Variants in OLFM2 observed in about 807,000 individuals in gnomAD.
The protein encoded by OLFM2 is noelin-2.
A neutral mutation model predicts 43.9 loss-of-function variants in OLFM2; 20 were observed. That is an observed-to-expected ratio of 0.46 (90% CI 0.32 to 0.66). The LOEUF (loss-of-function observed/expected upper bound fraction) is 0.66, where lower values mean the gene tolerates loss of function less well. Ranked by LOEUF, OLFM2 falls within the 30% of genes least tolerant of loss-of-function variation. The pLI, the probability that OLFM2 is intolerant of heterozygous loss-of-function variation, is 0.04. For missense variants in OLFM2, 416 were observed against 643.6 expected (o/e 0.65, Z 3.83); for synonymous variants, 268 against 278.6 (o/e 0.96, Z 0.38).
intron 1 of OLFM2, among the ~76,000 whole-genome samples, chr19:9,873,359 G>A (rs1287241663): frequency 1.3e-5 from 2 of 152,144 alleles, no homozygotes; most frequent in Non-Finnish European, 2.9e-5. Context: ...TCACCATGTT[G>A]CCCAGGCTGG....
chr19:9,872,044 T>C (rs1207613267), intron 1 of OLFM2, among the ~76,000 whole-genome samples: 6 of 152,178 alleles, frequency 3.9e-5, no homozygotes, highest in Admixed American at 3.9e-4. Context: ...TCTCTCTGAC[T>C]GCGAGAATGG....
At chr19:9,884,702 C>T (rs1435249249) in intron 1 of OLFM2, among the ~76,000 whole-genome samples, 1 of 152,138 alleles carries the variant, frequency 6.6e-6, no homozygotes, top group Non-Finnish European at 1.5e-5. Context: ...GTGCACATCT[C>T]CACAGCTCCC....
At chr19:9,902,185 A>C (rs1209230830) in intron 1 of OLFM2, among the ~76,000 whole-genome samples, 1 of 144,710 alleles carries the variant, frequency 6.9e-6, no homozygotes, top group Non-Finnish European at 1.5e-5. Flanking sequence ...CCCGCCACCA[A>C]GCCTGGCTAA....
Position 9,936,293 on chromosome 19 carries a change from C to T in OLFM2, c.63+11G>A, listed in dbSNP as rs1052322553. ...GCCACCCGCGCCCGCACCTGCCCGC[C>T]GGGCCCCTACCTGTCCGGCCAGGCC... On this transcript the variant is annotated intron_variant, in intron 1 of 5. Coordinates refer to ENST00000264833, the MANE Select transcript of OLFM2 (RefSeq NM_058164.4). 39 of 1,528,134 alleles carry T rather than the reference C, an allele frequency of 2.6e-5. No homozygotes were observed. The African/African-American group carries it at 5.1e-4, about 20-fold the overall frequency. The allele number at this position is 1,528,134 out of a possible 1,614,324, so 94.7% of individuals were successfully genotyped here.
At chr19:9,905,213 T>C (rs2046775085) in intron 1 of OLFM2, among the ~76,000 whole-genome samples, 1 of 152,056 alleles carries the variant, frequency 6.6e-6, no homozygotes, top group East Asian at 1.9e-4. Context: ...ATCCCAGCAC[T>C]TTGGGAGGCC....
At chr19:9,924,275 G>A (rs947922484) in intron 1 of OLFM2, among the ~76,000 whole-genome samples, 18 of 150,822 alleles carry the variant, frequency 1.2e-4, no homozygotes, top group South Asian at 4.2e-4. Context: ...GCGTGGTGGC[G>A]GGCGCCTGTA....
chr19:9,885,402 A>C (rs1260826179), intron 1 of OLFM2, among the ~76,000 whole-genome samples: 6 of 152,200 alleles, frequency 3.9e-5, no homozygotes, highest in Non-Finnish European at 7.3e-5. Context: ...TGATTGGCAC[A>C]AATGCCTGGT....
chr19:9,863,228 G>C (rs1403068669), intron 1 of OLFM2, among the ~76,000 whole-genome samples: 1 of 152,130 alleles, frequency 6.6e-6, no homozygotes, highest in African/African-American at 2.4e-5. Context: ...CCATGTGGCT[G>C]GAGCAGATTG....
At chr19:9,927,204 C>T (rs1176647875) in intron 1 of OLFM2, among the ~76,000 whole-genome samples, 2 of 151,488 alleles carry the variant, frequency 1.3e-5, no homozygotes, top group Non-Finnish European at 2.9e-5. Context: ...ATTGCTTGAA[C>T]CTGGGAGGGG....
intron 1 of OLFM2, among the ~76,000 whole-genome samples, chr19:9,899,397 C>A (rs534437115): frequency 1.3e-5 from 2 of 152,210 alleles, no homozygotes; most frequent in East Asian, 3.9e-4. Context: ...GTGCACTATG[C>A]TTGTTTCAAC....
chr19:9,925,255 T>C (rs2086445831), intron 1 of OLFM2, among the ~76,000 whole-genome samples: 1 of 152,024 alleles, frequency 6.6e-6, no homozygotes, highest in Non-Finnish European at 1.5e-5. Context: ...AGACCCTGTC[T>C]AAACAAAACA....
At chr19:9,929,601 A>C (rs964751041) in intron 1 of OLFM2, among the ~76,000 whole-genome samples, 1 of 26,314 alleles carries the variant, frequency 3.8e-5, no homozygotes, top group African/African-American at 4.1e-4. Context: ...GTCTCAAAAT[A>C]AAATAAAATA....
intron 1 of OLFM2, among the ~76,000 whole-genome samples, chr19:9,865,373 G>A (rs2046392802): frequency 6.6e-6 from 1 of 150,438 alleles, no homozygotes; most frequent in African/African-American, 2.5e-5. Flanking sequence ...TGGGAGTCTT[G>A]CTATATTGTC....
chr19:9,931,834 G>A (rs2086484776), intron 1 of OLFM2, among the ~76,000 whole-genome samples: 1 of 152,136 alleles, frequency 6.6e-6, no homozygotes, highest in Non-Finnish European at 1.5e-5. Flanking sequence ...CTCCCAAAAT[G>A]CTGGGATCAT....
chr19:9,912,113 T>C (rs1158358496), intron 1 of OLFM2, among the ~76,000 whole-genome samples: 1 of 151,928 alleles, frequency 6.6e-6, no homozygotes, highest in East Asian at 1.9e-4. Context: ...CATTCCCCCA[T>C]ATACACACCG....
rs549909121 is a variant in OLFM2, at chr19:9,915,775, C to T, written c.63+20529G>A. ...CTTCGTGATCTGCCCACCTCGGCCT[C>T]CCAAAGTGCTGGAATTAGAGGCGTG... is the stretch of plus-strand genomic sequence containing the variant. On this transcript the variant is annotated intron_variant, in intron 1 of 5. Transcript: ENST00000264833. Among the ~76,000 whole-genome samples the T allele has an allele frequency of 7.2e-5, 11 of 152,240 alleles. No individual in the cohort carries two copies. The East Asian group carries it at 2.1e-3, about 29-fold the overall frequency.
chr19:9,913,351 T>C (rs528215373), intron 1 of OLFM2: 56 of 421,706 alleles, frequency 1.3e-4, no homozygotes, highest in African/African-American at 1.2e-3. Context: ...TACCCAGGCG[T>C]GCCGGGCAGG....
rs141832618 is a variant in OLFM2 at position 9,866,124 on chromosome 19, A to C, written c.64-5330T>G. On this transcript the variant is annotated intron_variant, in intron 1 of 5. Transcript: ENST00000264833. Reference sequence around the variant, plus strand: ...TAAAATAATTGTCTGCGTTGGACGCATCTCACCGGAGTGTTCTCTGCAGCA... The same window carrying C: ...TAAAATAATTGTCTGCGTTGGACGCCTCTCACCGGAGTGTTCTCTGCAGCA... Among the ~76,000 whole-genome samples, 205 of 152,344 alleles carry C rather than the reference A, an allele frequency of 1.3e-3. 1 individual carries two copies. Among genetic ancestry groups the C allele is most frequent in the African/African-American group, 4.8e-3 (200 of 41,586 alleles).
intron 1 of OLFM2, among the ~76,000 whole-genome samples, chr19:9,876,655 GT>G (rs1244468393): frequency 2.0e-5 from 3 of 152,154 alleles, no homozygotes; most frequent in African/African-American, 7.2e-5. Context: ...GTGGGAGGAC[GT>G]GGTCATTAAG....
Sources: gnomAD v4.1 joint callset for allele counts (sites outside exome capture counted in the v4.1 genomes callset) on GRCh38, gnomAD v4.1.1 for gene constraint, MANE v1.5 for transcripts, NCBI Gene and HGNC (gene_info 2026-07-23, HGNC 2026-07-21) for gene names.